The following FGF22 variants were observed in gnomAD, a reference collection of about 807,000 sequenced individuals.
FGF22 encodes fibroblast growth factor 22, also known as FGF-22.
Under a neutral mutation model 10.3 loss-of-function variants are expected in FGF22, and 11 were observed. The observed-to-expected ratio is 1.07, with a 90% confidence interval of 0.67 to 1.77. The LOEUF (loss-of-function observed/expected upper bound fraction) is 1.77. Ranked by LOEUF, FGF22 falls within the 40% of genes most tolerant of loss-of-function variation. FGF22 has a pLI of 0.00. For synonymous variants in FGF22, 136 were observed against 122.1 expected, an observed-to-expected ratio of 1.11 and a Z score of -0.75; for missense variants, 317 against 273.2, an observed-to-expected ratio of 1.16 and a Z score of -1.13.
intron 1 of FGF22, among the ~76,000 whole-genome samples, chr19:642,979 C>T (rs1985953616): frequency 6.6e-6 from 1 of 151,988 alleles, no homozygotes. Flanking sequence ...CTGCACTCCC[C>T]CAGCTCGTGG....
chr19:643,316 G>T (rs369429141), exon 2 of FGF22: 1 of 1,610,466 alleles, frequency 6.2e-7, no homozygotes, highest in South Asian at 1.1e-5. Flanking sequence ...GCCATGAACC[G>T]CCGGGGCCGC....
exon 3 of FGF22, chr19:643,781 A>G (rs1985995933): frequency 4.9e-6 from 3 of 607,066 alleles, no homozygotes; most frequent in Non-Finnish European, 8.6e-6. Context: ...GGTGGCCACC[A>G]AGCAGGTTCA....
chr19:641,087 G>T, intron 1 of FGF22: 1 of 436,064 alleles, frequency 2.3e-6, no homozygotes, highest in Non-Finnish European at 4.7e-6. Context: ...CCAGCTGGAC[G>T]GTGATGGGGG....
exon 3 of FGF22, chr19:643,852 G>A (rs958659004): frequency 2.6e-5 from 13 of 495,270 alleles, no homozygotes; most frequent in African/African-American, 8.1e-5. Context: ...GGACGCAGAC[G>A]TCGAAAGGTC....
chr19:640,806 C>T (rs938357030), intron 1 of FGF22: 2 of 221,244 alleles, frequency 9.0e-6, no homozygotes, highest in South Asian at 5.8e-5. Context: ...CCCCGCCGGG[C>T]GGGGGGCACT....
At chr19:640,748 T>C in intron 1 of FGF22, 2 of 194,798 alleles carry the variant, frequency 1.0e-5, no homozygotes, top group South Asian at 1.7e-4. Flanking sequence ...GAGGAGAGGC[T>C]GGGCACAGCA....
intron 1 of FGF22, 70 bp downstream of exon 1, chr19:640,209 C>G (rs1011492633): frequency 2.4e-5 from 25 of 1,057,704 alleles, no homozygotes; most frequent in Non-Finnish European, 2.8e-5. Context: ...GCCGTCTTCA[C>G]GGTGACCTGC....
chr19:642,137 G>T (rs778326486), intron 1 of FGF22, among the ~76,000 whole-genome samples: 26 of 152,310 alleles, frequency 1.7e-4, no homozygotes, highest in South Asian at 1.0e-3. Flanking sequence ...CTAGGCCACT[G>T]CCAGCCCGGC....
exon 3 of FGF22, chr19:643,921 T>C (rs1161514848): frequency 1.7e-4 from 2 of 11,792 alleles, no homozygotes; most frequent in African/African-American, 5.0e-4. Flanking sequence ...GGGAGCACGT[T>C]GGGAGTGGGG....
chr19:642,925 G>A (rs866714877), intron 1 of FGF22, among the ~76,000 whole-genome samples: 1 of 152,058 alleles, frequency 6.6e-6, no homozygotes, highest in Admixed American at 6.5e-5. Flanking sequence ...CTGAGCTGCA[G>A]GGACAGCGCT....
chr19:641,761 C>T (rs896985709), intron 1 of FGF22, among the ~76,000 whole-genome samples: 1 of 152,098 alleles, frequency 6.6e-6, no homozygotes, highest in Non-Finnish European at 1.5e-5. Flanking sequence ...TCCTGTGTGT[C>T]CTGGAAGGTC....
chr19:641,314 C>T (rs371890507), intron 1 of FGF22: 18 of 453,288 alleles, frequency 4.0e-5, no homozygotes, highest in East Asian at 2.1e-4. Context: ...CAGTGGCTCA[C>T]GTCGGTAATC....
At chr19:643,843 G>T (rs1207899828) in exon 3 of FGF22, 1 of 511,560 alleles carries the variant, frequency 2.0e-6, no homozygotes, top group Non-Finnish European at 3.5e-6. Flanking sequence ...CGGGCTGAAG[G>T]ACGCAGACGT....
At chr19:642,151 C>A (rs1172690497) in intron 1 of FGF22, among the ~76,000 whole-genome samples, 24 of 152,212 alleles carry the variant, frequency 1.6e-4, no homozygotes, top group Admixed American at 1.5e-3. Flanking sequence ...GCCCGGCCTC[C>A]AGTCCAGAGT....
At chr19:643,742 C>T (rs2301781) in exon 3 of FGF22, 336,546 of 742,008 alleles carry the variant, frequency 0.45, 81,912 homozygotes, top group East Asian at 0.51. Context: ...GCCCAGGAGC[C>T]CTCCAGGGGG....
In FGF22 at chr19:641,367, G is replaced by A. The variant is rs563644198; in HGVS notation, c.214+1228G>A. 1.5e-4 allele frequency: 67 copies of A among 434,904 alleles called. 1 individual carries two copies. The highest frequency in any genetic ancestry group is 1.3e-3 in the African/African-American group (64 of 49,836). The allele number at this position is 434,904 out of a possible 1,614,324, so 26.9% of individuals were successfully genotyped here. A position where few individuals can be genotyped will look rare whatever the true frequency, so the allele number is the denominator to read the frequency against. On this transcript the variant is annotated intron_variant, in intron 1 of 2. Transcript: ENST00000215530. ...CGAGGCGGGCAGATCACGAGGTCAG[G>A]AGATCGAGACCATCCCGGCTAACAC...
At chr19:643,637 CT>C (rs1465020201) in exon 3 of FGF22, 21 of 1,468,926 alleles carry the variant, frequency 1.4e-5, no homozygotes, top group Non-Finnish European at 1.9e-5. Context: ...CCCAAGGTGC[CT>C]GGGCTGGTGG....
At chr19:641,248 G>T (rs1182146090) in intron 1 of FGF22, 1 of 456,306 alleles carries the variant, frequency 2.2e-6, no homozygotes, top group South Asian at 1.5e-5. Context: ...GCAGCAGTTA[G>T]ACACGTGAAC....
exon 3 of FGF22, chr19:643,830 T>C (rs1438590590): frequency 2.6e-5 from 14 of 536,552 alleles, no homozygotes; most frequent in Non-Finnish European, 4.6e-5. Context: ...ACAGGGCGCC[T>C]CTCGGGCTGA....
Sources: allele counts gnomAD v4.1 joint callset (sites outside exome capture counted in the v4.1 genomes callset), GRCh38; gene constraint gnomAD v4.1.1; transcripts MANE v1.5; gene names NCBI Gene and HGNC (gene_info 2026-07-23, HGNC 2026-07-21).